VWA8: variants seen among roughly 807,000 people sequenced by gnomAD.
VWA8 encodes von Willebrand factor A domain containing 8, also known as von Willebrand factor A domain-containing protein 8.
A neutral mutation model predicts 241.5 loss-of-function variants in VWA8; 221 were observed. The ratio of observed to expected loss-of-function variants is 0.91; its 90% confidence interval spans 0.82 to 1.02. The LOEUF is 1.02. VWA8 is among the 50% of genes least tolerant of loss of function. The pLI is 0.00. For missense variants in VWA8, 2,322 were observed against 2,328.7 expected, an observed-to-expected ratio of 1.00 and a Z score of 0.06; for synonymous variants, 852 against 827.1, an observed-to-expected ratio of 1.03 and a Z score of -0.52.
intron 37 of VWA8, among the ~76,000 whole-genome samples, chr13:41,662,635 A>G (rs1275441880): frequency 6.7e-6 from 1 of 149,258 alleles, no homozygotes; most frequent in African/African-American, 2.5e-5. Flanking sequence ...CCTAATCTGG[A>G]TATCTTTTAT....
chr13:41,712,786 G>A (rs2045326796), intron 26 of VWA8, among the ~76,000 whole-genome samples: 1 of 151,990 alleles, frequency 6.6e-6, no homozygotes, highest in African/African-American at 2.4e-5. Context: ...ACACACAAAT[G>A]TACATACCCC....
chr13:41,882,791 G>A (rs541999362), intron 9 of VWA8, among the ~76,000 whole-genome samples: 74 of 152,108 alleles, frequency 4.9e-4, no homozygotes, highest in African/African-American at 1.6e-3. Flanking sequence ...GAGGGAGACC[G>A]TGGAAAGAGA....
chr13:41,865,710 A>G lies in VWA8; in HGVS notation c.1425+26T>C, dbSNP rs953550080. On this transcript the variant is annotated intron_variant, in intron 12 of 44. Transcript: ENST00000379310. ...CCTAAGCATATATGCTTATAGTCCA[A>G]GTGCAGCTAAAAATGAACACTGTAC... 9 of 1,611,520 alleles carry G rather than the reference A, an allele frequency of 5.6e-6. No individual in the cohort carries two copies. In the African/African-American group the frequency reaches 1.1e-4, roughly 19 times the overall value.
chr13:41,955,538 T>C (rs1029980592), intron 1 of VWA8, among the ~76,000 whole-genome samples: 4 of 152,214 alleles, frequency 2.6e-5, no homozygotes, highest in African/African-American at 9.7e-5. Flanking sequence ...TAAAGAATTA[T>C]TCAACTGATA....
intron 42 of VWA8, among the ~76,000 whole-genome samples, chr13:41,578,291 T>C (rs1264423341): frequency 1.3e-5 from 2 of 152,126 alleles, no homozygotes; most frequent in African/African-American, 4.8e-5. Flanking sequence ...GCTTATAAAA[T>C]AGTTTGCAGG....
At chr13:41,720,430 CTG>C (rs2045380368) in intron 25 of VWA8, among the ~76,000 whole-genome samples, 1 of 151,996 alleles carries the variant, frequency 6.6e-6, no homozygotes, top group Admixed American at 6.6e-5. Context: ...CAAATAATAA[CTG>C]TATATATTTA....
At chr13:41,922,579 A>C (rs1195691844) in intron 2 of VWA8, among the ~76,000 whole-genome samples, 2 of 152,244 alleles carry the variant, frequency 1.3e-5, no homozygotes, top group Admixed American at 6.5e-5. Flanking sequence ...AACTTAAACA[A>C]AATTACAAGA....
intron 2 of VWA8, among the ~76,000 whole-genome samples, chr13:41,936,345 C>T (rs1209359700): frequency 6.6e-6 from 1 of 152,084 alleles, no homozygotes; most frequent in Non-Finnish European, 1.5e-5. Context: ...TTATGTTGTG[C>T]CTGTTTAAAT....
chr13:41,904,023 AC>A (rs1875582707), intron 4 of VWA8, among the ~76,000 whole-genome samples: 1 of 152,196 alleles, frequency 6.6e-6, no homozygotes, highest in Admixed American at 6.5e-5. Context: ...GGATTCACCA[AC>A]AAAACATAAG....
chr13:41,695,018 C>T (rs1007852248), intron 29 of VWA8, among the ~76,000 whole-genome samples: 2 of 152,108 alleles, frequency 1.3e-5, no homozygotes, highest in Admixed American at 6.6e-5. Context: ...TGGTTTCCTT[C>T]TGTAAATGAC....
At chr13:41,914,718 T>C (rs1381757594) in intron 2 of VWA8, among the ~76,000 whole-genome samples, 3 of 152,244 alleles carry the variant, frequency 2.0e-5, no homozygotes, top group Non-Finnish European at 4.4e-5. Flanking sequence ...GCCACAGGCA[T>C]TCTCTATAGT....
intron 2 of VWA8, among the ~76,000 whole-genome samples, chr13:41,929,450 G>T (rs1178540638): frequency 6.6e-6 from 1 of 152,124 alleles, no homozygotes; most frequent in Non-Finnish European, 1.5e-5. Flanking sequence ...ACAGCACTCA[G>T]CCCTGTGTTA....
At chr13:41,583,557 C>T (rs777396671) in intron 42 of VWA8, among the ~76,000 whole-genome samples, 10 of 150,496 alleles carry the variant, frequency 6.6e-5, no homozygotes, top group Middle Eastern at 3.4e-3. Flanking sequence ...ACAGAAGAAT[C>T]GCTTGAACCT....
chr13:41,900,703 A>T (rs1875385431), intron 4 of VWA8, among the ~76,000 whole-genome samples: 1 of 152,222 alleles, frequency 6.6e-6, no homozygotes, highest in Non-Finnish European at 1.5e-5. Flanking sequence ...AAAAAAATTT[A>T]AAGTAACTGA....
In VWA8 at chr13:41,614,987, G is replaced by A. The variant is rs769696371; in HGVS notation, c.4709C>T (p.Ala1570Val). The change falls in exon 38 of 45, where the codon GCT (alanine) becomes GTT (valine). Residue 1570 changes from alanine (A) to valine (V), a missense_variant. Ala to Val is a moderately conservative substitution (Grantham distance 64). Transcript: ENST00000379310. The stretch of plus-strand genomic sequence containing the variant: ...CCTGTGCTACCAACCTGTTCCGCCA[G>A]CCCAAGTGTTGCCGCCCACGTGAGG... Reference protein sequence around the residue: ...NMPHVGGNTWAGGTGGRDTAG... With the variant: ...NMPHVGGNTWVGGTGGRDTAG... The A allele has an allele frequency of 4.3e-6, 7 of 1,613,316 alleles. No homozygotes were observed. In the East Asian group the frequency reaches 1.6e-4, roughly 36 times the overall value.
intron 1 of VWA8, among the ~76,000 whole-genome samples, chr13:41,957,249 A>AG (rs1345792746): frequency 9.9e-5 from 15 of 152,142 alleles, no homozygotes; most frequent in African/African-American, 3.6e-4. Flanking sequence ...GTAGTGAAAA[A>AG]GTCTCACGAG....
At chr13:41,682,908 A>G (rs992110853) in intron 35 of VWA8, among the ~76,000 whole-genome samples, 4 of 152,228 alleles carry the variant, frequency 2.6e-5, no homozygotes, top group Non-Finnish European at 5.9e-5. Flanking sequence ...AATTAAAATC[A>G]TAATGAGAAA....
At chr13:41,691,790 A>T in intron 31 of VWA8, 84 bp downstream of exon 31, 1 of 1,104,536 alleles carries the variant, frequency 9.1e-7, no homozygotes, top group Non-Finnish European at 1.3e-6. Flanking sequence ...CATTCACTTT[A>T]TAGTAAACAA....
chr13:41,678,354 G>A (rs1482492850), intron 35 of VWA8, among the ~76,000 whole-genome samples: 6 of 152,240 alleles, frequency 3.9e-5, no homozygotes, highest in African/African-American at 1.4e-4. Flanking sequence ...CTTATCGTAA[G>A]CCACACACAG....
Sources: gnomAD v4.1 joint callset for allele counts (sites outside exome capture counted in the v4.1 genomes callset) on GRCh38, gnomAD v4.1.1 for gene constraint, MANE v1.5 for transcripts, NCBI Gene and HGNC (gene_info 2026-07-23, HGNC 2026-07-21) for gene names.